PSD2: variants seen among roughly 807,000 people sequenced by gnomAD.
PSD2 encodes the protein PH and SEC7 domain-containing protein 2.
PSD2 carries 38 observed loss-of-function variants against 69.8 expected under a neutral mutation model. The ratio of observed to expected loss-of-function variants is 0.54; its 90% confidence interval spans 0.42 to 0.71. PSD2 has a LOEUF of 0.71. PSD2 is among the 30% of genes least tolerant of loss of function. The pLI, the probability that PSD2 is intolerant of heterozygous loss-of-function variation, is 0.00. For missense variants in PSD2, 943 were observed against 1,014.5 expected, an observed-to-expected ratio of 0.93 and a Z score of 0.96; for synonymous variants, 412 against 423.0, an observed-to-expected ratio of 0.97 and a Z score of 0.32.
the PSD2 span, among the ~76,000 whole-genome samples, chr5:139,750,330 C>CA: frequency 2.6e-5 from 4 of 151,688 alleles, no homozygotes; most frequent in Non-Finnish European, 2.9e-5. Context: ...ATCTCAAAAA[C>CA]AAAAAAACAA....
At chr5:139,766,922 T>C in the PSD2 span, among the ~76,000 whole-genome samples, 3,496 of 34,574 alleles carry the variant, frequency 0.1, 496 homozygotes, top group Middle Eastern at 0.15. Context: ...CCTTCCTTCC[T>C]TCCTTCCCTT....
intron 8 of PSD2, 72 bp downstream of exon 8, chr5:139,833,863 T>G (rs1760651944): frequency 1.7e-6 from 2 of 1,184,654 alleles, no homozygotes; most frequent in Non-Finnish European, 2.5e-6. Flanking sequence ...GGTCTGTGCC[T>G]CGTGAAATCC....
At chr5:139,787,039 G>A in the PSD2 span, among the ~76,000 whole-genome samples, 1 of 152,186 alleles carries the variant, frequency 6.6e-6, no homozygotes, top group Non-Finnish European at 1.5e-5. Context: ...ACCGGGGAGT[G>A]AGGAGGGACG....
Position 139,835,728 on chromosome 5 carries a change from T to C in PSD2, c.1365T>C (p.Leu455=). The C allele has an allele frequency of 6.2e-7, 1 of 1,614,114 alleles. No homozygotes were observed. The highest frequency in any genetic ancestry group is 1.6e-4 in the Middle Eastern group (1 of 6,062). Residue 455 remains leucine, a synonymous_variant, in exon 9 of 15, where the codon CTT becomes CTC. Transcript: ENST00000274710. The stretch of plus-strand genomic sequence containing the variant: ...CTCTCTTTTCCCTCTCCCAGACCCT[T>C]TACAACTCCATCAAGAATGAAAAGC... ...QDFAKDLLKT[L]YNSIKNEKLE... is the part of the protein sequence containing the mutation.
chr5:139,784,351 C>T, the PSD2 span, among the ~76,000 whole-genome samples: 1 of 152,132 alleles, frequency 6.6e-6, no homozygotes, highest in Non-Finnish European at 1.5e-5. Context: ...TGTATCTCCA[C>T]CCAGACTTTT....
At chr5:139,796,046 G>A (rs1759517337) in intron 1 of PSD2, 71 bp downstream of exon 1, 1 of 89,222 alleles carries the variant, frequency 1.1e-5, no homozygotes, top group Non-Finnish European at 2.2e-5. Context: ...GGACGGGCCG[G>A]GGAGAGGGCC....
intron 13 of PSD2, 22 bp from the exon 14 acceptor site, chr5:139,840,005 A>G (rs762084510): frequency 1.2e-6 from 2 of 1,613,754 alleles, no homozygotes; most frequent in Non-Finnish European, 1.7e-6. Flanking sequence ...AAGGCCTCAC[A>G]GTCCAGGATT....
chr5:139,795,001 G>T (rs1458013229), upstream of PSD2, among the ~76,000 whole-genome samples: 1 of 152,114 alleles, frequency 6.6e-6, no homozygotes, highest in Non-Finnish European at 1.5e-5. This position sits in a 1 kb window ranked among gnomAD's most constrained non-coding sequence, Gnocchi z 4.5. Context: ...TGCCTTGGGA[G>T]ATGGTTTCCT....
chr5:139,770,881 T>C, the PSD2 span, among the ~76,000 whole-genome samples: 1 of 152,242 alleles, frequency 6.6e-6, no homozygotes, highest in Non-Finnish European at 1.5e-5. Context: ...TGAATACAAA[T>C]TATACGATTT....
the PSD2 span, among the ~76,000 whole-genome samples, chr5:139,753,818 G>T: frequency 1.4e-5 from 2 of 143,420 alleles, no homozygotes; most frequent in African/African-American, 5.3e-5. Flanking sequence ...TCCCAGAGTT[G>T]TTTTTTTTTT....
At chr5:139,755,664 TGTGC>T in the PSD2 span, among the ~76,000 whole-genome samples, 1 of 139,678 alleles carries the variant, frequency 7.2e-6, no homozygotes, top group Non-Finnish European at 1.5e-5. Context: ...TGTGTGTGTG[TGTGC>T]GCGCGCATGA....
At chr5:139,810,653 T>A (rs79001892) in intron 2 of PSD2, among the ~76,000 whole-genome samples, 3 of 152,080 alleles carry the variant, frequency 2.0e-5, no homozygotes, top group Admixed American at 2.0e-4. Context: ...TTTGGGCACA[T>A]GTTCGTGTTA....
chr5:139,763,340 C>T, the PSD2 span, among the ~76,000 whole-genome samples: 2 of 152,336 alleles, frequency 1.3e-5, no homozygotes, highest in Middle Eastern at 3.4e-3. Flanking sequence ...TTTTCATTCA[C>T]TGCGCTCACT....
Position 139,839,960 on chromosome 5 carries a change from A to C in PSD2, c.1969-67A>C. ...CTTTGGTGGAGCAGCTCCTGGTAGA[A>C]CAGGATTTGAGCCACTCCGTGACAT... On this transcript the variant is annotated intron_variant, in intron 13 of 14. Coordinates refer to ENST00000274710, the MANE Select transcript of PSD2 (RefSeq NM_032289.4). The surrounding 1 kb of genome is among the most constrained non-coding windows in gnomAD (Gnocchi z 5.1). 1 of 1,561,454 alleles carries C rather than the reference A, an allele frequency of 6.4e-7. No individual in the cohort carries two copies. Among genetic ancestry groups the C allele is most frequent in the East Asian group, 2.3e-5 (1 of 44,376 alleles).
rs1488152749 is a variant in PSD2 at position 139,813,577 on chromosome 5, G to A, written c.640G>A (p.Gly214Ser). Residue 214 changes from glycine (G) to serine (S), a missense_variant, in exon 3 of 15, where the codon GGT becomes AGT. Physicochemically the swap from Gly to Ser is moderately conservative, Grantham distance 56 (BLOSUM62 0). Coordinates refer to ENST00000274710, the MANE Select transcript of PSD2 (RefSeq NM_032289.4). ...TGAGGGGGACATGGGGGCAGCTGGT[G>A]GTGATGGGGAGCTGGGCAGCCCCCT... ...AFEGDMGAAG[G>S]DGELGSPLRR... The A allele has an allele frequency of 6.2e-7, 1 of 1,613,258 alleles. No individual in the cohort carries two copies. Among genetic ancestry groups the A allele is most frequent in the African/African-American group, 1.3e-5 (1 of 74,950 alleles).
chr5:139,766,920 C>CTTTCTTT, the PSD2 span, among the ~76,000 whole-genome samples: 1 of 30,920 alleles, frequency 3.2e-5, no homozygotes, highest in African/African-American at 9.3e-5. Context: ...TTCCTTCCTT[C>CTTTCTTT]CTTCCTTCCC....
chr5:139,767,291 C>T, the PSD2 span, among the ~76,000 whole-genome samples: 1 of 151,660 alleles, frequency 6.6e-6, no homozygotes, highest in South Asian at 2.1e-4. Flanking sequence ...CCGCACCCAG[C>T]CACCATCTTT....
chr5:139,833,915 A>AC, intron 8 of PSD2, 124 bp downstream of exon 8: 1 of 745,618 alleles, frequency 1.3e-6, no homozygotes, highest in Non-Finnish European at 2.4e-6. Flanking sequence ...GGCCATGATG[A>AC]CAAAGTTAGA....
At chr5:139,772,922 C>T in the PSD2 span, 2 of 152,210 alleles carry the variant, frequency 1.3e-5, no homozygotes, top group South Asian at 2.1e-4. Context: ...TAGCAACACA[C>T]AGTAGGTGCA....
Sources: allele counts gnomAD v4.1 joint callset (sites outside exome capture counted in the v4.1 genomes callset), GRCh38; gene constraint gnomAD v4.1.1; non-coding constraint Gnocchi (gnomAD v3.1); transcripts MANE v1.5; gene names NCBI Gene and HGNC (gene_info 2026-07-23, HGNC 2026-07-21).